HNRNPLL: variants seen among roughly 807,000 people sequenced by gnomAD.
The protein encoded by HNRNPLL is heterogeneous nuclear ribonucleoprotein L like, also known as heterogeneous nuclear ribonucleoprotein L-like.
A neutral mutation model predicts 67.1 loss-of-function variants in HNRNPLL; 25 were observed. The ratio of observed to expected loss-of-function variants is 0.37; its 90% CI spans 0.27 to 0.52. The LOEUF (loss-of-function observed/expected upper bound fraction) is 0.52. Among genes scored for constraint, HNRNPLL ranks in the 20% least tolerant of loss-of-function variants. The probability of loss-of-function intolerance (pLI) is 0.90; values close to 1 mark genes in which losing one functional copy is unlikely to be tolerated. For missense variants in HNRNPLL, 542 were observed against 673.9 expected (o/e 0.80, Z 2.17); for synonymous variants, 267 against 241.7 (o/e 1.10, Z -0.97).
At chr2:38,565,727 C>CA (rs200356084) in intron 12 of HNRNPLL, among the ~76,000 whole-genome samples, 1,932 of 73,158 alleles carry the variant, frequency 0.026, 116 homozygotes, top group Admixed American at 0.044. Context: ...GACCCTGTCT[C>CA]AAAAAAAAAA....
Position 38,562,575 on chromosome 2 carries a change from TTATTG to T in HNRNPLL, c.*1602_*1606del, listed in dbSNP as rs1372502477. 6.6e-6 allele frequency: 1 copy of T among 152,070 alleles called. No individual in the cohort carries two copies. Among genetic ancestry groups the T allele is most frequent in the East Asian group, 1.9e-4 (1 of 5,198 alleles). The allele number at this position is 152,070 out of a possible 1,614,324, so 9.4% of individuals were successfully genotyped here. On this transcript the variant is annotated 3_prime_UTR_variant, in exon 13 of 13. Coordinates refer to ENST00000449105, the MANE Select transcript of HNRNPLL (RefSeq NM_138394.4). Reference sequence around the variant, plus strand: ...AAGTATTTATAGGGGAAAAAAAGCTTTATTGTAAAGTTAGATAAACTTAGGTATTA... The same window carrying T: ...AAGTATTTATAGGGGAAAAAAAGCTTTAAAGTTAGATAAACTTAGGTATTA...
chr2:38,583,784 GA>G, intron 4 of HNRNPLL, 56 bp downstream of exon 4: 2 of 818,264 alleles, frequency 2.4e-6, no homozygotes, highest in East Asian at 2.8e-5. Context: ...GCTTAAGCCA[GA>G]AAAAATAAGA....
At chr2:38,592,255 C>T (rs1047864263) in intron 1 of HNRNPLL, among the ~76,000 whole-genome samples, 9 of 152,252 alleles carry the variant, frequency 5.9e-5, no homozygotes, top group African/African-American at 1.9e-4. Flanking sequence ...CATGCTACAA[C>T]TGGAAGTATA....
chr2:38,577,882 A>T (rs1666360689), intron 6 of HNRNPLL: 2 of 476,784 alleles, frequency 4.2e-6, no homozygotes, highest in African/African-American at 4.0e-5. Flanking sequence ...CATGTCTTTA[A>T]AACAAGCTTT....
intron 10 of HNRNPLL, among the ~76,000 whole-genome samples, 173 bp from the exon 11 acceptor site, chr2:38,568,616 T>C (rs945755344): frequency 6.6e-6 from 1 of 152,184 alleles, no homozygotes; most frequent in Non-Finnish European, 1.5e-5. Context: ...TTAAAAACAG[T>C]AAAATTCTAT....
Position 38,602,580 on chromosome 2 carries a change from C to G in HNRNPLL, c.47G>C (p.Arg16Pro). ...SSPRETYEED[R>P]EYESQAKRLK... ...ACGCTTGGCCTGGCTCTCGTACTCC[C>G]GGTCCTCCTCGTACGTCTCCCTGGG... Residue 16 changes from arginine (R) to proline (P), a missense_variant, in exon 1 of 13, where the codon CGG becomes CCG. Arg to Pro is a moderately radical substitution (Grantham distance 103). Coordinates refer to ENST00000449105, the MANE Select transcript of HNRNPLL (RefSeq NM_138394.4). 4 of 1,573,324 alleles carry G rather than the reference C, an allele frequency of 2.5e-6. No individual in the cohort carries two copies. Among genetic ancestry groups the G allele is most frequent in the Non-Finnish European group, 2.6e-6 (3 of 1,161,458 alleles).
intron 1 of HNRNPLL, among the ~76,000 whole-genome samples, chr2:38,600,689 C>CGAGCTGCTGCACTCCA (rs926412206): frequency 4.6e-5 from 7 of 151,304 alleles, no homozygotes; most frequent in Non-Finnish European, 5.9e-5. Context: ...GCCGTGATCA[C>CGAGCTGCTGCACTCCA]GAGCTGCTGC....
At chr2:38,591,335 A>T (rs1420892312) in intron 2 of HNRNPLL, among the ~76,000 whole-genome samples, 195 bp downstream of exon 2, 2 of 152,214 alleles carry the variant, frequency 1.3e-5, no homozygotes, top group African/African-American at 4.8e-5. Context: ...AAATACACTC[A>T]TGCATCACCC....
intron 2 of HNRNPLL, among the ~76,000 whole-genome samples, chr2:38,589,120 A>C (rs974987104): frequency 6.6e-6 from 1 of 152,218 alleles, no homozygotes; most frequent in African/African-American, 2.4e-5. Context: ...TGTATTTTAA[A>C]TACTCTTATA....
intron 6 of HNRNPLL, 91 bp from the exon 7 acceptor site, chr2:38,577,623 A>G (rs1666351713): frequency 2.6e-6 from 2 of 764,586 alleles, no homozygotes; most frequent in South Asian, 1.5e-5. Context: ...AAAACATCCA[A>G]TACAACAATT....
intron 1 of HNRNPLL, among the ~76,000 whole-genome samples, chr2:38,593,504 C>T (rs918143505): frequency 8.5e-5 from 13 of 152,116 alleles, no homozygotes; most frequent in African/African-American, 2.2e-4. Context: ...AATAAAAGGA[C>T]GACAGAAAAC....
rs548920170 is a variant in HNRNPLL, at chr2:38,563,161, C to T, written c.*1021G>A. On this transcript the variant is annotated 3_prime_UTR_variant, in exon 13 of 13. Coordinates refer to ENST00000449105, the MANE Select transcript of HNRNPLL (RefSeq NM_138394.4). The stretch of plus-strand genomic sequence containing the variant: ...CTTGCCTATGTATAAAATCTATTAT[C>T]TTAAAAAGAAAAAAAAAACAGATCC... The T allele has an allele frequency of 1.3e-3, 200 of 150,814 alleles. 1 individual carries two copies. The highest frequency in any genetic ancestry group is 4.6e-3 in the African/African-American group (190 of 41,174). The allele number at this position is 150,814 out of a possible 1,614,324, so 9.3% of individuals were successfully genotyped here.
intron 1 of HNRNPLL, among the ~76,000 whole-genome samples, chr2:38,599,208 G>A (rs1244116913): frequency 1.3e-5 from 2 of 152,160 alleles, no homozygotes; most frequent in Non-Finnish European, 2.9e-5. Flanking sequence ...CATCTTTCAC[G>A]TCTATTTACT....
chr2:38,597,720 G>A (rs1466964306), intron 1 of HNRNPLL, among the ~76,000 whole-genome samples: 1 of 148,178 alleles, frequency 6.7e-6, no homozygotes, highest in African/African-American at 2.5e-5. Flanking sequence ...ACGGAGTCTC[G>A]CTCTGTCGCC....
intron 4 of HNRNPLL, among the ~76,000 whole-genome samples, chr2:38,582,465 C>T (rs550432439): frequency 5.9e-4 from 90 of 151,850 alleles, no homozygotes; most frequent in Admixed American, 3.4e-3. Context: ...TGTGTGCCAC[C>T]GCACCCGGCT....
chr2:38,566,184 G>A (rs1245570621), intron 12 of HNRNPLL: 15 of 527,824 alleles, frequency 2.8e-5, no homozygotes, highest in African/African-American at 4.2e-5. Flanking sequence ...CCTGGCCAAC[G>A]TGGTGAAACC....
chr2:38,569,340 G>A lies in HNRNPLL; in HGVS notation c.1215-6C>T, dbSNP rs751249293. 1.4e-5 allele frequency: 22 copies of A among 1,591,236 alleles called. No individual in the cohort carries two copies. The highest frequency in any genetic ancestry group is 5.2e-6 in the Non-Finnish European group (6 of 1,161,404). ...CTGAATGTTGTTTAGACACGCTAAA[G>A]ATTGTAAAGAAAAGACATACAAAAG... On this transcript the variant is annotated splice_region_variant and splice_polypyrimidine_tract_variant and intron_variant, in intron 9 of 12. Transcript: ENST00000449105.
chr2:38,571,003 C>A (rs967885665), intron 8 of HNRNPLL, among the ~76,000 whole-genome samples: 1 of 152,064 alleles, frequency 6.6e-6, no homozygotes, highest in Non-Finnish European at 1.5e-5. Context: ...TATGACGGTG[C>A]CACTGTATTC....
At chr2:38,570,873 T>C (rs981394869) in intron 8 of HNRNPLL, among the ~76,000 whole-genome samples, 3 of 148,978 alleles carry the variant, frequency 2.0e-5, no homozygotes, top group African/African-American at 7.5e-5. Context: ...TGAGACCCCA[T>C]CTCTACAAAA....
Sources: gnomAD v4.1 joint callset for allele counts (sites outside exome capture counted in the v4.1 genomes callset) on GRCh38, gnomAD v4.1.1 for gene constraint, MANE v1.5 for transcripts, NCBI Gene and HGNC (gene_info 2026-07-23, HGNC 2026-07-21) for gene names.